The following ST6GALNAC3 variants were observed in gnomAD, a reference collection of about 807,000 sequenced individuals.
The protein encoded by ST6GALNAC3 is alpha-N-acetylgalactosaminide alpha-2,6-sialyltransferase 3.
In ST6GALNAC3, 25 loss-of-function variants were observed where a neutral mutation model predicts 32.7. That is an observed-to-expected ratio of 0.76 (90% CI 0.56 to 1.07). ST6GALNAC3 has a LOEUF of 1.07. Among genes scored for constraint, ST6GALNAC3 ranks in the 50% least tolerant of loss-of-function variants. ST6GALNAC3 has a pLI of 0.00. For missense variants in ST6GALNAC3, 355 were observed against 382.4 expected (o/e 0.93, Z 0.60); for synonymous variants, 129 against 133.1 (o/e 0.97, Z 0.21).
Position 76,494,468 on chromosome 1 carries a change from T to TATATAC in ST6GALNAC3, c.623+82052_623+82053insTATACA, listed in dbSNP as rs1472545640. On this transcript the variant is annotated intron_variant, in intron 3 of 4. Transcript: ENST00000328299. The stretch of plus-strand genomic sequence containing the variant: ...ATATATATATATATATATATATATA[T>TATATAC]ACACACACACACACACACTTTCCCT... 2.8e-3 allele frequency among the ~76,000 whole-genome samples: 168 copies of TATATAC among 59,504 alleles called. 12 individuals carry two copies. The highest frequency in any genetic ancestry group is 5.6e-3 in the East Asian group (7 of 1,252). The allele number at this position is 59,504 out of a possible 152,430, so 39.0% of individuals were successfully genotyped here.
chr1:76,500,762 C>A (rs4949724), intron 3 of ST6GALNAC3, among the ~76,000 whole-genome samples: 147,636 of 152,288 alleles, frequency 0.97, 71,630 homozygotes, highest in East Asian at 1. Flanking sequence ...GGTGATAATT[C>A]CCTTTCTTTT....
At position 76,340,338 on chromosome 1, in the gene ST6GALNAC3, A is replaced by T. The variant is rs932381189; in HGVS notation, c.213+26339A>T. 7.2e-5 allele frequency among the ~76,000 whole-genome samples: 11 copies of T among 152,230 alleles called. No individual in the cohort carries two copies. In the East Asian group the frequency reaches 1.9e-3, roughly 27 times the overall value. ...GGAGCTGATGATTGATGATGATTCT[A>T]TGTGTGTCCTTCACAGTGGCAAACC... On this transcript the variant is annotated intron_variant, in intron 2 of 4. Transcript: ENST00000328299.
chr1:76,494,792 T>C (rs1291781705), intron 3 of ST6GALNAC3, among the ~76,000 whole-genome samples: 2 of 151,640 alleles, frequency 1.3e-5, no homozygotes, highest in African/African-American at 4.8e-5. Context: ...AAGAGATTTA[T>C]TGTGAACTGG....
intron 2 of ST6GALNAC3, among the ~76,000 whole-genome samples, chr1:76,403,037 G>A (rs956912899): frequency 6.6e-6 from 1 of 151,384 alleles, no homozygotes; most frequent in Non-Finnish European, 1.5e-5. Flanking sequence ...AGCCCAGAAA[G>A]CAAAACAAAA....
chr1:76,220,068 T>A (rs1655682512), intron 1 of ST6GALNAC3, among the ~76,000 whole-genome samples: 1 of 152,214 alleles, frequency 6.6e-6, no homozygotes, highest in African/African-American at 2.4e-5. Context: ...GTAGAAATAC[T>A]TATTCCCTAT....
chr1:76,581,777 C>CTTGTT (rs1198277014), intron 3 of ST6GALNAC3, among the ~76,000 whole-genome samples: 1 of 152,062 alleles, frequency 6.6e-6, no homozygotes, highest in Non-Finnish European at 1.5e-5. Context: ...CACAATAACT[C>CTTGTT]TTTGGGTAAG....
chr1:76,128,916 G>A (rs1649427905), intron 1 of ST6GALNAC3, among the ~76,000 whole-genome samples: 1 of 152,172 alleles, frequency 6.6e-6, no homozygotes, highest in African/African-American at 2.4e-5. Flanking sequence ...CTGAATACTT[G>A]ATGTACACAC....
chr1:76,118,434 C>G (rs1443670288), intron 1 of ST6GALNAC3, among the ~76,000 whole-genome samples: 1 of 152,198 alleles, frequency 6.6e-6, no homozygotes, highest in East Asian at 1.9e-4. Context: ...CTTTGGGCAG[C>G]AGGTTAAGAA....
At chr1:76,548,564 G>T (rs1413098876) in intron 3 of ST6GALNAC3, among the ~76,000 whole-genome samples, 1 of 152,142 alleles carries the variant, frequency 6.6e-6, no homozygotes, top group Non-Finnish European at 1.5e-5. Flanking sequence ...TTTCTTACGT[G>T]AGGCGTTGTT....
intron 3 of ST6GALNAC3, among the ~76,000 whole-genome samples, chr1:76,524,522 A>C (rs1172351694): frequency 6.6e-6 from 1 of 152,148 alleles, no homozygotes; most frequent in South Asian, 2.1e-4. Flanking sequence ...ATTCATGCTT[A>C]CCATAATACT....
chr1:76,453,744 T>C (rs886446003), intron 3 of ST6GALNAC3, among the ~76,000 whole-genome samples: 2 of 152,188 alleles, frequency 1.3e-5, no homozygotes, highest in African/African-American at 4.8e-5. Flanking sequence ...AAATAGAATG[T>C]ATATTCTGTA....
intron 1 of ST6GALNAC3, chr1:76,305,850 G>A (rs1483303152): frequency 2.0e-6 from 1 of 510,342 alleles, no homozygotes. Context: ...GAGATGAAGT[G>A]ACTGCCCAAA....
intron 3 of ST6GALNAC3, among the ~76,000 whole-genome samples, chr1:76,593,906 T>A (rs315045): frequency 0.17 from 25,931 of 151,998 alleles, 3,089 homozygotes; most frequent in African/African-American, 0.34. Flanking sequence ...ACCTACTCAT[T>A]TGAAATAAGC....
chr1:76,239,677 C>T (rs559994270), intron 1 of ST6GALNAC3, among the ~76,000 whole-genome samples: 17 of 152,260 alleles, frequency 1.1e-4, no homozygotes, highest in African/African-American at 4.1e-4. Context: ...CCCCCGTGAC[C>T]CAGCACCTCC....
chr1:76,291,448 A>G (rs994827069), intron 1 of ST6GALNAC3, among the ~76,000 whole-genome samples: 11 of 152,106 alleles, frequency 7.2e-5, no homozygotes, highest in Admixed American at 6.5e-4. Flanking sequence ...CAGCCGGGAC[A>G]CTCCCCAGGA....
At chr1:76,404,006 T>A (rs1653627099) in intron 2 of ST6GALNAC3, among the ~76,000 whole-genome samples, 2 of 152,104 alleles carry the variant, frequency 1.3e-5, no homozygotes, top group South Asian at 4.1e-4. Flanking sequence ...ATCCATTCCC[T>A]AGAGGAACTT....
intron 1 of ST6GALNAC3, among the ~76,000 whole-genome samples, chr1:76,274,244 T>A (rs1659013859): frequency 6.6e-6 from 1 of 152,202 alleles, no homozygotes; most frequent in Non-Finnish European, 1.5e-5. Context: ...TATGTCCTAT[T>A]AGTCTCTGAA....
At chr1:76,164,918 A>C (rs1570270348) in intron 1 of ST6GALNAC3, among the ~76,000 whole-genome samples, 1 of 152,158 alleles carries the variant, frequency 6.6e-6, no homozygotes, top group East Asian at 1.9e-4. Context: ...ATTGCTGGAG[A>C]GAGGGGACTA....
At chr1:76,143,330 A>G (rs1650451956) in intron 1 of ST6GALNAC3, among the ~76,000 whole-genome samples, 1 of 151,854 alleles carries the variant, frequency 6.6e-6, no homozygotes. Flanking sequence ...TCATTTGTCA[A>G]AGCCTCATTA....
Sources: allele counts gnomAD v4.1 joint callset (sites outside exome capture counted in the v4.1 genomes callset), GRCh38; gene constraint gnomAD v4.1.1; transcripts MANE v1.5; gene names NCBI Gene and HGNC (gene_info 2026-07-23, HGNC 2026-07-21).